Variants in THADA observed in about 807,000 individuals in gnomAD.
THADA encodes the protein tRNA (32-2'-O)-methyltransferase regulator THADA.
In THADA, 213 loss-of-function variants were observed where a neutral mutation model predicts 219.8. The ratio of observed to expected loss-of-function variants is 0.97; its 90% confidence interval spans 0.87 to 1.09. The LOEUF is 1.09. THADA is among the 50% of genes least tolerant of loss of function. The probability of loss-of-function intolerance (pLI) is 0.00; values close to 1 mark genes in which losing one functional copy is unlikely to be tolerated. For missense variants in THADA, 2,956 were observed against 2,311.3 expected, an observed-to-expected ratio of 1.28 and a Z score of -5.72; for synonymous variants, 1,018 against 828.9, an observed-to-expected ratio of 1.23 and a Z score of -3.92.
chr2:43,506,511 T>C (rs1689687514), intron 23 of THADA, among the ~76,000 whole-genome samples: 1 of 152,170 alleles, frequency 6.6e-6, no homozygotes, highest in South Asian at 2.1e-4. Flanking sequence ...ATATATGAAA[T>C]GTCCAGAAAG....
chr2:43,428,328 C>T, intron 27 of THADA, 97 bp from the exon 28 acceptor site: 1 of 1,247,064 alleles, frequency 8.0e-7, no homozygotes, highest in Non-Finnish European at 1.1e-6. Flanking sequence ...ATGTATATGG[C>T]CGGGTGCGGT....
chr2:43,474,072 T>C (rs1685230775), intron 26 of THADA, among the ~76,000 whole-genome samples: 1 of 152,156 alleles, frequency 6.6e-6, no homozygotes, highest in Non-Finnish European at 1.5e-5. Flanking sequence ...TGGTCTGTCA[T>C]TGACTGAAAT....
chr2:43,340,942 A>G (rs1333080695), intron 30 of THADA, among the ~76,000 whole-genome samples: 1 of 152,188 alleles, frequency 6.6e-6, no homozygotes, highest in African/African-American at 2.4e-5. Context: ...GGCATGTGAC[A>G]CCGAGGCTTC....
chr2:43,441,535 T>G (rs1345830078), intron 26 of THADA, among the ~76,000 whole-genome samples: 2 of 152,210 alleles, frequency 1.3e-5, no homozygotes, highest in Non-Finnish European at 2.9e-5. Context: ...TTCACTCACT[T>G]CTGATTCTCA....
At chr2:43,434,697 GT>G (rs1191506243) in intron 26 of THADA, among the ~76,000 whole-genome samples, 1 of 152,164 alleles carries the variant, frequency 6.6e-6, no homozygotes, top group African/African-American at 2.4e-5. Context: ...CTCCCTTCTG[GT>G]TCCCCCATCT....
intron 20 of THADA, among the ~76,000 whole-genome samples, chr2:43,546,583 G>A (rs1307647007): frequency 6.6e-6 from 1 of 152,112 alleles, no homozygotes; most frequent in Non-Finnish European, 1.5e-5. Context: ...ATTTAGGATA[G>A]TGAGCTCTTC....
intron 16 of THADA, among the ~76,000 whole-genome samples, chr2:43,559,952 A>G (rs564438563): frequency 3.9e-5 from 6 of 152,356 alleles, no homozygotes; most frequent in Admixed American, 2.0e-4. Flanking sequence ...AAATCTACCA[A>G]TAATCTTGTA....
chr2:43,342,501 T>C (rs777506761), intron 30 of THADA, among the ~76,000 whole-genome samples: 1 of 152,206 alleles, frequency 6.6e-6, no homozygotes, highest in Non-Finnish European at 1.5e-5. Flanking sequence ...AACTTCCTTA[T>C]GGTTCTGCAA....
At chr2:43,258,630 A>T (rs531959855) in intron 36 of THADA, among the ~76,000 whole-genome samples, 115 of 152,376 alleles carry the variant, frequency 7.5e-4, no homozygotes, top group African/African-American at 2.6e-3. Context: ...TGGCAACCTT[A>T]CACAAGAGAC....
Position 43,541,313 on chromosome 2 carries a change from T to G in THADA, c.3110A>C (p.Lys1037Thr). ...AGTTACATCACATGTTTTTACTTCT[T>G]TACCTTAAACAAAAAAAAACACAAC... ...NIDTSTEIKG[K>T]EVKTCDVTAQ... Residue 1037 changes from lysine (K) to threonine (T), a missense_variant, in exon 21 of 38, where the codon AAA (lysine) becomes ACA (threonine). By Grantham distance (78) the Lys-to-Thr change is moderately conservative. Coordinates refer to ENST00000405975, the MANE Select transcript of THADA (RefSeq NM_022065.5). The G allele has an allele frequency of 6.2e-7, 1 of 1,607,036 alleles. No homozygotes were observed. The highest frequency in any genetic ancestry group is 1.7e-5 in the Admixed American group (1 of 59,574).
intron 21 of THADA, among the ~76,000 whole-genome samples, chr2:43,536,741 T>C (rs1694658222): frequency 6.6e-6 from 1 of 152,114 alleles, no homozygotes; most frequent in Non-Finnish European, 1.5e-5. Context: ...ATTTTAAATC[T>C]ACCCTTTATC....
At chr2:43,525,051 T>C (rs1013825025) in intron 22 of THADA, among the ~76,000 whole-genome samples, 4 of 152,212 alleles carry the variant, frequency 2.6e-5, no homozygotes, top group African/African-American at 4.8e-5. Context: ...ATCTCTAACA[T>C]CTGACTTAAG....
Position 43,412,458 on chromosome 2 carries a change from T to C in THADA, c.4059-14319A>G, listed in dbSNP as rs529442657. On this transcript the variant is annotated intron_variant, in intron 28 of 37. Coordinates refer to ENST00000405975, the MANE Select transcript of THADA (RefSeq NM_022065.5). The stretch of plus-strand genomic sequence containing the variant: ...TCTGGATCACTTCTGTTCATTTTCA[T>C]GATTTCATCAGCAGATTTCTATGGC... Among the ~76,000 whole-genome samples, 4 of 152,346 alleles carry C rather than the reference T, an allele frequency of 2.6e-5. No homozygotes were observed. The South Asian group carries it at 8.3e-4, about 32-fold the overall frequency.
intron 19 of THADA, among the ~76,000 whole-genome samples, chr2:43,550,022 A>C (rs1696567266): frequency 6.6e-6 from 1 of 152,196 alleles, no homozygotes; most frequent in African/African-American, 2.4e-5. Flanking sequence ...TATTACATTA[A>C]GTTTCATTTT....
rs774711325 is a variant in THADA, at chr2:43,560,294, G to C, written c.2403C>G (p.Asp801Glu). The C allele has an allele frequency of 3.7e-6, 6 of 1,612,154 alleles. No homozygotes were observed. Among genetic ancestry groups the C allele is most frequent in the Non-Finnish European group, 5.1e-6 (6 of 1,179,122 alleles). ...GAAGATCAAATGCTAAAATTTTCAC[G>C]TCTTCAAAAGTGCTGGTAAAACATT... The part of the protein sequence containing the change: ...LMECFTSTFE[D>E]VKILAFDLLM... The change falls in exon 16 of 38, where the codon GAC becomes GAG. Residue 801 changes from aspartate to glutamate, a missense_variant. Transcript: ENST00000405975.
At chr2:43,489,688 T>G (rs1047872726) in intron 25 of THADA, among the ~76,000 whole-genome samples, 2 of 152,120 alleles carry the variant, frequency 1.3e-5, no homozygotes. Context: ...GGTTTATTTC[T>G]GTACAATCAA....
At position 43,230,899 on chromosome 2, in the gene THADA, G is replaced by C. The variant is rs1284241010; in HGVS notation, c.*49C>G. On this transcript the variant is annotated 3_prime_UTR_variant, in exon 38 of 38. Transcript: ENST00000405975. ...GTTCAACATGTTTCCTGCAGATTTAGTGGAGGAAAAATCCACACATACCCC... is the reference window on the plus strand; with the variant it reads ...GTTCAACATGTTTCCTGCAGATTTACTGGAGGAAAAATCCACACATACCCC... The C allele has an allele frequency of 2.6e-6, 4 of 1,529,838 alleles. No individual in the cohort carries two copies. Among genetic ancestry groups the C allele is most frequent in the Non-Finnish European group, 3.5e-6 (4 of 1,138,300 alleles). 94.8% of individuals were successfully genotyped at this position (1,529,838 alleles called of 1,614,324 possible).
chr2:43,308,446 T>C (rs1677102134), intron 31 of THADA, among the ~76,000 whole-genome samples: 1 of 152,102 alleles, frequency 6.6e-6, no homozygotes. Context: ...GGCTCACGTC[T>C]GTAATCCCAA....
At chr2:43,331,918 T>TAC (rs141276481) in intron 30 of THADA, among the ~76,000 whole-genome samples, 6,469 of 142,784 alleles carry the variant, frequency 0.045, 170 homozygotes, top group Middle Eastern at 0.079. Flanking sequence ...ATATATCTAA[T>TAC]ACACACACAC....
Sources: allele counts gnomAD v4.1 joint callset (sites outside exome capture counted in the v4.1 genomes callset), GRCh38; gene constraint gnomAD v4.1.1; transcripts MANE v1.5; gene names NCBI Gene and HGNC (gene_info 2026-07-23, HGNC 2026-07-21).